Variants in LTBP1 observed in about 807,000 individuals in gnomAD.
The protein encoded by LTBP1 is latent-transforming growth factor beta-binding protein 1.
A neutral mutation model predicts 207.6 loss-of-function variants in LTBP1; 129 were observed. That is an observed-to-expected ratio of 0.62 (90% CI 0.54 to 0.72). The LOEUF (loss-of-function observed/expected upper bound fraction) is 0.72, where lower values mean the gene tolerates loss of function less well. Ranked by LOEUF, LTBP1 falls within the 30% of genes least tolerant of loss-of-function variation. The pLI, the probability that LTBP1 is intolerant of heterozygous loss-of-function variation, is 0.00. For synonymous variants in LTBP1, 963 were observed against 833.7 expected (o/e 1.16, Z -2.67); for missense variants, 2,281 against 2,217.2 (o/e 1.03, Z -0.58).
intron 24 of LTBP1, 68 bp from the exon 25 acceptor site, chr2:33,342,770 T>C: frequency 6.4e-7 from 1 of 1,557,930 alleles, no homozygotes; most frequent in Non-Finnish European, 8.8e-7. Flanking sequence ...CCTCTGTTTA[T>C]CCATTAATAT....
At position 32,948,923 on chromosome 2, in the gene LTBP1, T is replaced by C. The variant is rs1572769879; in HGVS notation, c.543T>C (p.Pro181=). ...GRCCHGWSKA[P]GSQRCTKPSC... is the part of the protein sequence containing the mutation. ...GCTGTCATGGCTGGAGTAAGGCCCCTGGCTCCCAGAGGTGCACCAAACGTA... is the reference window on the plus strand; with the variant it reads ...GCTGTCATGGCTGGAGTAAGGCCCCCGGCTCCCAGAGGTGCACCAAACGTA... Residue 181 remains proline (P), a synonymous_variant, in exon 2 of 34, where the codon CCT becomes CCC. Coordinates refer to ENST00000404816, the MANE Select transcript of LTBP1 (RefSeq NM_206943.4). 6 of 1,614,162 alleles carry C rather than the reference T, an allele frequency of 3.7e-6. No individual in the cohort carries two copies. Among genetic ancestry groups the C allele is most frequent in the Non-Finnish European group, 5.1e-6 (6 of 1,180,024 alleles).
chr2:32,947,208 CT>C lies in LTBP1; in HGVS notation c.-114del. On this transcript the variant is annotated 5_prime_UTR_variant, in exon 1 of 34. Coordinates refer to ENST00000404816, the MANE Select transcript of LTBP1 (RefSeq NM_206943.4). Reference sequence around the variant, plus strand: ...CGCCACCGACTTGGTCTCCTCCCGCCTTTCCCGGGCTCTCGGCAGCTCTCGG... The same window carrying C: ...CGCCACCGACTTGGTCTCCTCCCGCCTTCCCGGGCTCTCGGCAGCTCTCGG... 1.2e-6 allele frequency: 1 copy of C among 800,476 alleles called. No individual in the cohort carries two copies. The allele number at this position is 800,476 out of a possible 1,614,324, so 49.6% of individuals were successfully genotyped here.
chr2:33,230,015 G>T (rs368706804), intron 9 of LTBP1, among the ~76,000 whole-genome samples: 15 of 152,278 alleles, frequency 9.9e-5, no homozygotes, highest in African/African-American at 3.4e-4. Flanking sequence ...CACTCCCTTT[G>T]TGATATTGAT....
At chr2:33,199,958 G>A (rs1368582323) in intron 7 of LTBP1, among the ~76,000 whole-genome samples, 3 of 152,204 alleles carry the variant, frequency 2.0e-5, no homozygotes, top group South Asian at 2.1e-4. Flanking sequence ...ACAAACCACT[G>A]CTCAATGAAA....
At chr2:33,004,099 A>AT (rs11413441) in intron 2 of LTBP1, among the ~76,000 whole-genome samples, 93,310 of 148,214 alleles carry the variant, frequency 0.63, 29,596 homozygotes, top group East Asian at 0.98. Flanking sequence ...AATAAATATC[A>AT]TTTTTTTTTT....
At chr2:33,306,104 A>G (rs1358069574) in intron 22 of LTBP1, among the ~76,000 whole-genome samples, 1 of 152,228 alleles carries the variant, frequency 6.6e-6, no homozygotes, top group African/African-American at 2.4e-5. Context: ...ATTGCTTTGA[A>G]GACAGATAAA....
intron 3 of LTBP1, among the ~76,000 whole-genome samples, chr2:33,038,288 T>C (rs1379053886): frequency 1.3e-5 from 2 of 152,234 alleles, no homozygotes; most frequent in African/African-American, 4.8e-5. Flanking sequence ...CTCCTCCTGT[T>C]CTCTCAGCAG....
intron 5 of LTBP1, among the ~76,000 whole-genome samples, chr2:33,182,521 G>T (rs1482619764): frequency 6.6e-6 from 1 of 151,178 alleles, no homozygotes; most frequent in Non-Finnish European, 1.5e-5. Flanking sequence ...AATTAGCCAG[G>T]TGTGGTGGCA....
intron 4 of LTBP1, among the ~76,000 whole-genome samples, chr2:33,114,135 C>G (rs977031916): frequency 1.4e-4 from 22 of 152,336 alleles, no homozygotes; most frequent in African/African-American, 5.3e-4. Flanking sequence ...AGCCACCATG[C>G]CCAGCCGGTA....
At chr2:33,369,497 T>G (rs75040745) in intron 31 of LTBP1, among the ~76,000 whole-genome samples, 3,893 of 152,310 alleles carry the variant, frequency 0.026, 63 homozygotes, top group South Asian at 0.049. Flanking sequence ...GAAACGCATG[T>G]TGAAAACTGC....
rs530135400 is a variant in LTBP1 at position 33,353,553 on chromosome 2, C to T, written c.4000+6043C>T. ...CCTCTCCACATTAGAAGCACATGTC[C>T]CTTTCATAACCCATCCCTCCCATTC... On this transcript the variant is annotated intron_variant, in intron 26 of 33. Transcript: ENST00000404816. 1.3e-4 allele frequency among the ~76,000 whole-genome samples: 20 copies of T among 152,214 alleles called. No homozygotes were observed. In the South Asian group the frequency reaches 3.9e-3, roughly 30 times the overall value.
intron 3 of LTBP1, among the ~76,000 whole-genome samples, chr2:33,026,682 G>T (rs2075430741): frequency 1.3e-5 from 2 of 152,156 alleles, no homozygotes; most frequent in Admixed American, 1.3e-4. Flanking sequence ...TCACTCCAAG[G>T]TGCTCAGTGC....
At chr2:33,299,835 G>C (rs1458320191) in intron 20 of LTBP1, among the ~76,000 whole-genome samples, 1 of 152,112 alleles carries the variant, frequency 6.6e-6, no homozygotes, top group African/African-American at 2.4e-5. Flanking sequence ...TTCTCAGTTA[G>C]TGATTTTATC....
Position 33,342,868 on chromosome 2 carries a change from G to T in LTBP1, c.3761G>T (p.Cys1254Phe), listed in dbSNP as rs552292959. Residue 1254 changes from cysteine (C) to phenylalanine (F), a missense_variant, in exon 25 of 34, where the codon TGT becomes TTT. Cys to Phe is a radical substitution (Grantham distance 205, BLOSUM62 -2). This residue lies in a region of LTBP1 where 1,671 missense variants were observed against 1,634.8 expected (regional missense o/e 1.02). Transcript: ENST00000404816. ...DIDECVNNTV[C>F]DSHGFCDNTA... ...GATGAATGTGTAAACAACACTGTTT[G>T]TGACAGTCACGGGTTTTGTGACAAT... 2.5e-6 allele frequency: 4 copies of T among 1,614,100 alleles called. No individual in the cohort carries two copies. Among genetic ancestry groups the T allele is most frequent in the Admixed American group, 3.3e-5 (2 of 60,020 alleles).
chr2:33,193,308 A>C (rs1281771245), intron 7 of LTBP1, among the ~76,000 whole-genome samples: 1 of 151,930 alleles, frequency 6.6e-6, no homozygotes, highest in East Asian at 1.9e-4. Flanking sequence ...CACCCAGCTA[A>C]TTTTTGTATT....
intron 32 of LTBP1, among the ~76,000 whole-genome samples, chr2:33,392,655 C>T (rs1032220930): frequency 6.6e-6 from 1 of 152,150 alleles, no homozygotes; most frequent in African/African-American, 2.4e-5. Context: ...ACTGTAGTGT[C>T]CTGACCTGTT....
chr2:33,389,213 G>C lies in LTBP1; in HGVS notation c.4741G>C (p.Val1581Leu), dbSNP rs146752637. Residue 1581 changes from valine (V) to leucine (L), a missense_variant, in exon 32 of 34, where the codon GTG (valine) becomes CTG (leucine). Val to Leu is a conservative substitution (Grantham distance 32). This residue lies in a region of LTBP1 where 1,671 missense variants were observed against 1,634.8 expected (regional missense o/e 1.02). Transcript: ENST00000404816. ...DDYAQLCNIP[V>L]TGRRQPYGRD... is the part of the protein sequence containing the mutation. ...CTATGCTCAGCTGTGTAACATCCCC[G>C]TGACGGGACGCCGGCAGCCATATGG... The C allele has an allele frequency of 3.7e-6, 6 of 1,614,006 alleles. No homozygotes were observed. The African/African-American group carries it at 6.7e-5, about 18-fold the overall frequency.
Position 32,947,276 on chromosome 2 carries a change from G to A in LTBP1, c.-49G>A. ...GGGGAAAGGCGAGCCGCACGGCCGG[G>A]GGAGGGGGCCGGACCGCGCGCGACC... On this transcript the variant is annotated 5_prime_UTR_variant, in exon 1 of 34. Transcript: ENST00000404816. 2.5e-6 allele frequency: 3 copies of A among 1,197,216 alleles called. No individual in the cohort carries two copies. The highest frequency in any genetic ancestry group is 1.6e-5 in the African/African-American group (1 of 63,066). 74.2% of individuals were successfully genotyped at this position (1,197,216 alleles called of 1,614,324 possible). A position where few individuals can be genotyped will look rare whatever the true frequency, so the allele number is the denominator to read the frequency against.
intron 2 of LTBP1, among the ~76,000 whole-genome samples, chr2:32,983,251 A>G (rs1331120928): frequency 6.6e-6 from 1 of 152,194 alleles, no homozygotes; most frequent in East Asian, 1.9e-4. Context: ...TGCATGGAGC[A>G]TTGTAGGCCC....
Sources: allele counts gnomAD v4.1 joint callset (sites outside exome capture counted in the v4.1 genomes callset), GRCh38; gene constraint gnomAD v4.1.1; regional missense constraint gnomAD v4.1.1; transcripts MANE v1.5; gene names NCBI Gene and HGNC (gene_info 2026-07-23, HGNC 2026-07-21).